The following UBN1 variants were observed in gnomAD, a reference collection of about 807,000 sequenced individuals.
The protein encoded by UBN1 is ubinuclein-1.
UBN1 carries 17 observed loss-of-function variants against 108.5 expected under a neutral mutation model. That is an observed-to-expected ratio of 0.16 (90% CI 0.11 to 0.24). The LOEUF is 0.24. Ranked by LOEUF, UBN1 falls within the 10% of genes least tolerant of loss-of-function variation. UBN1 has a pLI of 1.00. For missense variants in UBN1, 1,595 were observed against 1,394.4 expected, an observed-to-expected ratio of 1.14 and a Z score of -2.29; for synonymous variants, 726 against 564.2, an observed-to-expected ratio of 1.29 and a Z score of -4.07.
At chr16:4,870,397 T>C in intron 9 of UBN1, 56 bp downstream of exon 9, 1 of 1,611,196 alleles carries the variant, frequency 6.2e-7, no homozygotes, top group Non-Finnish European at 8.5e-7. Context: ...GAGGGGTGAC[T>C]GAGTCTTAAG....
In UBN1 at chr16:4,877,798, T is replaced by TAAA. The variant is rs34192021; in HGVS notation, c.3355+337_3355+339dup. 2.7e-5 allele frequency: 26 copies of TAAA among 964,884 alleles called. No individual in the cohort carries two copies. The highest frequency in any genetic ancestry group is 4.9e-5 in the South Asian group (1 of 20,338). The allele number at this position is 964,884 out of a possible 1,614,324, so 59.8% of individuals were successfully genotyped here. A position where few individuals can be genotyped will look rare whatever the true frequency, so the allele number is the denominator to read the frequency against. Reference sequence around the variant, plus strand: ...TCGGCTTGTTTTTTTCTCTTCAGTTTAAAAAAAAAAAAAAAGGGAAGGTAA... The same window carrying TAAA: ...TCGGCTTGTTTTTTTCTCTTCAGTTTAAAAAAAAAAAAAAAAAAGGGAAGGTAA... On this transcript the variant is annotated intron_variant, in intron 17 of 17. Coordinates refer to ENST00000262376, the MANE Select transcript of UBN1 (RefSeq NM_001079514.3). This position sits in a 1 kb window ranked among gnomAD's most constrained non-coding sequence, Gnocchi z 4.3.
chr16:4,873,437 A>G lies in UBN1; in HGVS notation c.1800+364A>G, dbSNP rs778465392. Reference sequence around the variant, plus strand: ...GCAGTTTAGCTTGGAGCCACAGCAGAAAGAAAAGGCGACTTTACTGAGCTA... The same window carrying G: ...GCAGTTTAGCTTGGAGCCACAGCAGGAAGAAAAGGCGACTTTACTGAGCTA... On this transcript the variant is annotated intron_variant, in intron 14 of 17. Coordinates refer to ENST00000262376, the MANE Select transcript of UBN1 (RefSeq NM_001079514.3). Among the ~76,000 whole-genome samples the G allele has an allele frequency of 7.2e-4, 110 of 152,350 alleles. 1 individual carries two copies. In the Middle Eastern group the frequency reaches 0.027, roughly 38 times the overall value.
At chr16:4,872,167 A>G (rs536093751) in intron 12 of UBN1, 1 of 984,064 alleles carries the variant, frequency 1.0e-6, no homozygotes, top group East Asian at 1.1e-4. Context: ...AACCTTTGAA[A>G]TTGCTGTCCT....
Position 4,853,025 on chromosome 16 carries a change from G to T in UBN1, c.108G>T (p.Gln36His). The T allele has an allele frequency of 6.2e-7, 1 of 1,614,194 alleles. No homozygotes were observed. Among genetic ancestry groups the T allele is most frequent in the Non-Finnish European group, 8.5e-7 (1 of 1,180,038 alleles). Reference protein sequence around the residue: ...KEEAGAGEQHQDCEPAAAAVR... With the variant: ...KEEAGAGEQHHDCEPAAAAVR... ...AGGCTGGGGCAGGAGAACAGCATCA[G>T]GACTGTGAGCCGGCTGCAGCAGCTG... The change falls in exon 2 of 18, where the codon CAG becomes CAT. Residue 36 changes from glutamine to histidine, a missense_variant. By Grantham distance (24) the Gln-to-His change is conservative. This residue lies in a region of UBN1 where 181 missense variants were observed against 157.3 expected (regional missense o/e 1.15). Transcript: ENST00000262376.
chr16:4,872,946 G>A lies in UBN1; in HGVS notation c.1757+12G>A. The A allele has an allele frequency of 6.2e-7, 1 of 1,614,154 alleles. No homozygotes were observed. Among genetic ancestry groups the A allele is most frequent in the African/African-American group, 1.3e-5 (1 of 75,038 alleles). On this transcript the variant is annotated intron_variant, in intron 13 of 17. Transcript: ENST00000262376. ...CTGACTTCAATCCTGTGAGTGTCTT[G>A]GTATTTTCACATCTCGGGACAAGTG...
At chr16:4,851,662 T>C (rs1567879040) in intron 1 of UBN1, among the ~76,000 whole-genome samples, 1 of 151,788 alleles carries the variant, frequency 6.6e-6, no homozygotes, top group Non-Finnish European at 1.5e-5. Flanking sequence ...CTACAAAAAA[T>C]AGAAAAAATT....
intron 3 of UBN1, 56 bp downstream of exon 3, chr16:4,858,132 C>T: frequency 8.8e-7 from 1 of 1,138,036 alleles, no homozygotes; most frequent in Non-Finnish European, 1.3e-6. Flanking sequence ...GACGTTTCCA[C>T]ACTGTATTCC....
At chr16:4,853,282 A>G in intron 2 of UBN1, 116 bp downstream of exon 2, 1 of 1,391,754 alleles carries the variant, frequency 7.2e-7, no homozygotes, top group East Asian at 2.4e-5. Flanking sequence ...CTGCCCCAAG[A>G]TCCTGTCACT....
At chr16:4,866,595 C>G (rs1272879897) in intron 7 of UBN1, among the ~76,000 whole-genome samples, 3 of 152,242 alleles carry the variant, frequency 2.0e-5, no homozygotes, top group African/African-American at 7.2e-5. Context: ...TTACTGCAAC[C>G]TCCACGCCCA....
chr16:4,856,634 G>A (rs926995769), intron 2 of UBN1, among the ~76,000 whole-genome samples: 1 of 152,086 alleles, frequency 6.6e-6, no homozygotes, highest in Non-Finnish European at 1.5e-5. Context: ...TTGGGACAGA[G>A]CTGGACCTTC....
At chr16:4,849,432 T>C (rs769131476) in intron 1 of UBN1, among the ~76,000 whole-genome samples, 2 of 152,200 alleles carry the variant, frequency 1.3e-5, no homozygotes, top group Non-Finnish European at 2.9e-5. Flanking sequence ...TTAGTTTTTC[T>C]GTTTCATCAA....
In UBN1 at chr16:4,860,772, A is replaced by G. The variant is rs17704385; in HGVS notation, c.780A>G (p.Lys260=). The change falls in exon 7 of 18, where the codon AAA becomes AAG. Residue 260 remains lysine, a synonymous_variant. Transcript: ENST00000262376. ...TTCAGAAAGAGAAAGAGGCTCAGAA[A>G]AAAAGGGAGGAGGAGCATAAGCCTG... ...KKFQKEKEAQ[K]KREEEHKPVA... 48 of 1,614,154 alleles carry G rather than the reference A, an allele frequency of 3.0e-5. No individual in the cohort carries two copies. The highest frequency in any genetic ancestry group is 3.9e-5 in the Non-Finnish European group (46 of 1,180,056).
rs2087940240 is a variant in UBN1 at position 4,877,492 on chromosome 16, A to G, written c.3355+18A>G. The G allele has an allele frequency of 1.9e-6, 3 of 1,604,406 alleles. No homozygotes were observed. Among genetic ancestry groups the G allele is most frequent in the Non-Finnish European group, 2.5e-6 (3 of 1,176,948 alleles). On this transcript the variant is annotated intron_variant, in intron 17 of 17. Coordinates refer to ENST00000262376, the MANE Select transcript of UBN1 (RefSeq NM_001079514.3). The surrounding 1 kb of genome is among the most constrained non-coding windows in gnomAD (Gnocchi z 4.3). Reference sequence around the variant, plus strand: ...TCTGCCAGGTAATCACCCGACGGTCAGTGTGCCACGCGCACCGTGTGCCTT... The same window carrying G: ...TCTGCCAGGTAATCACCCGACGGTCGGTGTGCCACGCGCACCGTGTGCCTT...
Position 4,870,194 on chromosome 16 carries a change from CTG to C in UBN1, c.1182-14_1182-13del, listed in dbSNP as rs750159242. 8.7e-6 allele frequency: 14 copies of C among 1,613,988 alleles called. No homozygotes were observed. The South Asian group carries it at 1.2e-4, about 14-fold the overall frequency. On this transcript the variant is annotated splice_polypyrimidine_tract_variant and intron_variant, in intron 8 of 17. Transcript: ENST00000262376. ...TGCAGTGAGCTGCAGCCGGTGGTGA[CTG>C]TGTTTTGTTCTTCAGCATAGAGGCG...
chr16:4,859,788 G>A, intron 5 of UBN1, 77 bp from the exon 6 acceptor site: 1 of 1,592,184 alleles, frequency 6.3e-7, no homozygotes, highest in South Asian at 1.1e-5. Flanking sequence ...CCCGGGCGGA[G>A]CAAGGCCAGT....
chr16:4,861,491 A>T (rs904400160), intron 7 of UBN1, among the ~76,000 whole-genome samples: 3 of 152,278 alleles, frequency 2.0e-5, no homozygotes, highest in Admixed American at 6.5e-5. Flanking sequence ...AAAAGTTTGT[A>T]AACATACAAG....
chr16:4,868,923 C>CTT lies in UBN1; in HGVS notation c.1181+21_1181+22insTT, dbSNP rs2087469578. On this transcript the variant is annotated intron_variant, in intron 8 of 17. Transcript: ENST00000262376. ...ATTAGAGTGAGTATCGTCTGTCTGT[C>CTT]TGTCTGTCTGTCTGTTTCTGCTATT... 2 of 1,612,334 alleles carry CTT rather than the reference C, an allele frequency of 1.2e-6. No homozygotes were observed. The highest frequency in any genetic ancestry group is 1.7e-5 in the Admixed American group (1 of 59,820).
In UBN1 at chr16:4,875,210, G is replaced by T; in HGVS notation, c.2800G>T (p.Val934Phe). The T allele has an allele frequency of 6.2e-7, 1 of 1,614,216 alleles. No homozygotes were observed. Among genetic ancestry groups the T allele is most frequent in the Non-Finnish European group, 8.5e-7 (1 of 1,180,040 alleles). The change falls in exon 15 of 18, where the codon GTC (valine) becomes TTC (phenylalanine). Residue 934 changes from valine to phenylalanine, a missense_variant. By Grantham distance (50) the Val-to-Phe change is conservative (BLOSUM62 -1). Transcript: ENST00000262376. ...PVQSSVSGSL[V>F]PGIQPPSVGQ... Reference sequence around the variant, plus strand: ...CCAGAGTTCTGTTTCTGGGAGCCTGGTCCCTGGCATACAGCCTCCCTCCGT... The same window carrying T: ...CCAGAGTTCTGTTTCTGGGAGCCTGTTCCCTGGCATACAGCCTCCCTCCGT...
At chr16:4,851,172 T>A (rs2086538791) in intron 1 of UBN1, among the ~76,000 whole-genome samples, 1 of 152,196 alleles carries the variant, frequency 6.6e-6, no homozygotes, top group South Asian at 2.1e-4. Flanking sequence ...CAAATTCATC[T>A]GGGGTTAATG....
Sources: gnomAD v4.1 joint callset for allele counts (sites outside exome capture counted in the v4.1 genomes callset) on GRCh38, gnomAD v4.1.1 for gene constraint, gnomAD v4.1.1 regional missense constraint, Gnocchi (gnomAD v3.1) non-coding constraint, MANE v1.5 for transcripts, NCBI Gene and HGNC (gene_info 2026-07-23, HGNC 2026-07-21) for gene names.